The following TMEM43 variants were observed in gnomAD, a reference collection of about 807,000 sequenced individuals.
TMEM43 encodes the protein transmembrane protein 43, also known as arrhythmogenic right ventricular dysplasia 5.
In TMEM43, 45 loss-of-function variants were observed where a neutral mutation model predicts 49.6. The observed-to-expected ratio is 0.91, with a 90% CI of 0.71 to 1.16. TMEM43 has a LOEUF of 1.16. Ranked by LOEUF, TMEM43 falls within the 50% of genes most tolerant of loss-of-function variation. The pLI is 0.00. For missense variants in TMEM43, 532 were observed against 516.6 expected (o/e 1.03, Z -0.29); for synonymous variants, 199 against 207.8 (o/e 0.96, Z 0.36).
chr3:14,137,407 C>CT (rs2124993536), intron 10 of TMEM43, among the ~76,000 whole-genome samples: 1 of 152,310 alleles, frequency 6.6e-6, no homozygotes, highest in South Asian at 2.1e-4. Context: ...GGGCCCATGG[C>CT]TTAGGTAATG....
intron 2 of TMEM43, 106 bp downstream of exon 2, chr3:14,129,667 T>A: frequency 8.0e-7 from 1 of 1,254,642 alleles, no homozygotes; most frequent in Non-Finnish European, 1.1e-6. Flanking sequence ...GCCTAGATTT[T>A]AAAAAGAGAA....
chr3:14,132,743 C>T, intron 5 of TMEM43, 123 bp from the exon 6 acceptor site: 1 of 1,371,966 alleles, frequency 7.3e-7, no homozygotes. Flanking sequence ...CCTGCTTTCC[C>T]ACCCATCCAT....
At chr3:14,126,731 A>G (rs1695026287) in intron 1 of TMEM43, among the ~76,000 whole-genome samples, 1 of 152,246 alleles carries the variant, frequency 6.6e-6, no homozygotes, top group Non-Finnish European at 1.5e-5. Flanking sequence ...ACCAAGGAAT[A>G]TACATGCATT....
Position 14,125,067 on chromosome 3 carries a change from T to A in TMEM43, c.-127T>A. ...GGAGGTAACTGCAGTAAGTCCCGCTTGGCCCTGGAGTCCACGCGGATTTTC... is the reference window on the plus strand; with the variant it reads ...GGAGGTAACTGCAGTAAGTCCCGCTAGGCCCTGGAGTCCACGCGGATTTTC... On this transcript the variant is annotated 5_prime_UTR_variant, in exon 1 of 12. Coordinates refer to ENST00000306077, the MANE Select transcript of TMEM43 (RefSeq NM_024334.3). 1.6e-6 allele frequency: 2 copies of A among 1,252,078 alleles called. No individual in the cohort carries two copies. Among genetic ancestry groups the A allele is most frequent in the Non-Finnish European group, 2.3e-6 (2 of 878,330 alleles). The allele number at this position is 1,252,078 out of a possible 1,614,324, so 77.6% of individuals were successfully genotyped here.
chr3:14,141,675 G>C lies in TMEM43; in HGVS notation c.1083G>C (p.Leu361=). 1 of 1,614,204 alleles carries C rather than the reference G, an allele frequency of 6.2e-7. No homozygotes were observed. Among genetic ancestry groups the C allele is most frequent in the Non-Finnish European group, 8.5e-7 (1 of 1,180,030 alleles). Reference sequence around the variant, plus strand: ...TCTGTGTGGCCACCTCGCTGACCCTGCTGACCGTGGCGGCTGGCTGGCTCT... The same window carrying C: ...TCTGTGTGGCCACCTCGCTGACCCTCCTGACCGTGGCGGCTGGCTGGCTCT... ...FAFCVATSLT[L]LTVAAGWLFY... The change falls in exon 12 of 12, where the codon CTG becomes CTC. Residue 361 remains leucine, a synonymous_variant. Coordinates refer to ENST00000306077, the MANE Select transcript of TMEM43 (RefSeq NM_024334.3).
chr3:14,128,953 A>G (rs1178033351), intron 1 of TMEM43: 1 of 456,648 alleles, frequency 2.2e-6, no homozygotes, highest in Non-Finnish European at 4.4e-6. Flanking sequence ...ATGAAAAGGA[A>G]CAAATTCCTG....
At chr3:14,133,421 T>G (rs975258599) in intron 6 of TMEM43, among the ~76,000 whole-genome samples, 4 of 152,098 alleles carry the variant, frequency 2.6e-5, no homozygotes, top group Admixed American at 1.3e-4. Context: ...GATGGAATGC[T>G]CTGGGAGGGG....
rs1190815218 is a variant in TMEM43 at position 14,130,922 on chromosome 3, T to G, written c.263T>G (p.Leu88Arg). 6.2e-7 allele frequency: 1 copy of G among 1,613,228 alleles called. No individual in the cohort carries two copies. Among genetic ancestry groups the G allele is most frequent in the Non-Finnish European group, 8.5e-7 (1 of 1,179,504 alleles). The change falls in exon 3 of 12, where the codon CTG (leucine) becomes CGG (arginine). Residue 88 changes from leucine to arginine, a missense_variant. Transcript: ENST00000306077. ...HSVAPENEGR[L>R]VHIIGALRTS... The stretch of plus-strand genomic sequence containing the variant: ...GTGGCTCCGGAGAATGAAGGAAGGC[T>G]GGTGCACATCATTGGCGCCTTACGG...
chr3:14,139,209 C>T lies in TMEM43; in HGVS notation c.912C>T (p.Asn304=). 5 of 1,614,184 alleles carry T rather than the reference C, an allele frequency of 3.1e-6. No homozygotes were observed. The highest frequency in any genetic ancestry group is 4.2e-6 in the Non-Finnish European group (5 of 1,180,002). ...EEVFHRELRS[N]SMKTWGLRAA... is the part of the protein sequence containing the mutation. ...TGTTTCATAGAGAACTAAGGAGCAA[C>T]TCCATGAAGACCTGGGGCCTGCGGG... The change falls in exon 11 of 12, where the codon AAC becomes AAT. Residue 304 remains asparagine (N), a synonymous_variant. Transcript: ENST00000306077.
rs2124991392 is a variant in TMEM43, at chr3:14,135,221, C to G, written c.769C>G (p.Pro257Ala). Residue 257 changes from proline (P) to alanine (A), a missense_variant, in exon 9 of 12, where the codon CCA (proline) becomes GCA (alanine). Transcript: ENST00000306077. The part of the protein sequence containing the change: ...GLSGDDPDLG[P>A]AHVVTVIARQ... ...GAGCGGCGATGACCCTGACCTGGGCCCAGCTCACGTGGTAACCTGGCTTCC... is the reference window on the plus strand; with the variant it reads ...GAGCGGCGATGACCCTGACCTGGGCGCAGCTCACGTGGTAACCTGGCTTCC... 6.2e-6 allele frequency: 10 copies of G among 1,612,282 alleles called. No homozygotes were observed. Among genetic ancestry groups the G allele is most frequent in the Non-Finnish European group, 7.6e-6 (9 of 1,179,954 alleles).
At chr3:14,127,597 C>T (rs566839066) in intron 1 of TMEM43, among the ~76,000 whole-genome samples, 7 of 152,118 alleles carry the variant, frequency 4.6e-5, no homozygotes, top group Non-Finnish European at 5.9e-5. Context: ...ATTTTCTTAT[C>T]GGTGAAATGG....
At chr3:14,139,674 G>T (rs960237791) in intron 11 of TMEM43, among the ~76,000 whole-genome samples, 1 of 152,214 alleles carries the variant, frequency 6.6e-6, no homozygotes, top group Non-Finnish European at 1.5e-5. Context: ...ATGCTTGGCC[G>T]TTCCCTTCCC....
intron 10 of TMEM43, 154 bp downstream of exon 10, chr3:14,136,062 G>GT (rs1695166156): frequency 2.6e-6 from 2 of 757,252 alleles, no homozygotes; most frequent in African/African-American, 1.7e-5. Flanking sequence ...TCATCAAAGT[G>GT]TTTGACCAGG....
rs1012559900 is a variant in TMEM43 at position 14,142,275 on chromosome 3, G to C, written c.*480G>C. On this transcript the variant is annotated 3_prime_UTR_variant, in exon 12 of 12. Coordinates refer to ENST00000306077, the MANE Select transcript of TMEM43 (RefSeq NM_024334.3). ...CGTTAGTCATTACTGCTGAGTCCTG[G>C]GTCACCAGCAGACACACTGGGCATG... 2.6e-5 allele frequency: 5 copies of C among 194,810 alleles called. No homozygotes were observed. Among genetic ancestry groups the C allele is most frequent in the Admixed American group, 1.6e-4 (3 of 18,856 alleles). 12.1% of individuals were successfully genotyped at this position (194,810 alleles called of 1,614,324 possible). A position where few individuals can be genotyped will look rare whatever the true frequency, so the allele number is the denominator to read the frequency against.
chr3:14,132,769 C>T (rs1695114187), intron 5 of TMEM43, 97 bp from the exon 6 acceptor site: 2 of 1,420,102 alleles, frequency 1.4e-6, no homozygotes, highest in Non-Finnish European at 2.0e-6. Flanking sequence ...CTCCCTGACC[C>T]ACCCCTTTGG....
chr3:14,138,583 G>A (rs1695206113), intron 10 of TMEM43, among the ~76,000 whole-genome samples: 1 of 152,176 alleles, frequency 6.6e-6, no homozygotes, highest in Non-Finnish European at 1.5e-5. Flanking sequence ...GGAGGTGGTG[G>A]AGGTGGTGGG....
intron 10 of TMEM43, among the ~76,000 whole-genome samples, chr3:14,138,356 A>G (rs1380558680): frequency 6.6e-6 from 1 of 152,118 alleles, no homozygotes; most frequent in Non-Finnish European, 1.5e-5. Flanking sequence ...TGGAGAACAC[A>G]GAGTGGGTGA....
chr3:14,135,864 G>A lies in TMEM43; in HGVS notation c.838G>A (p.Gly280Arg), dbSNP rs1371201342. 1 of 1,614,194 alleles carries A rather than the reference G, an allele frequency of 6.2e-7. No homozygotes were observed. Among genetic ancestry groups the A allele is most frequent in the Non-Finnish European group, 8.5e-7 (1 of 1,180,056 alleles). ...GCTAGTCCCATTCTCCACCAAGTCT[G>A]GGGATACCTTACTGCTCCTGCACCA... ...DQLVPFSTKS[G>R]DTLLLLHHGD... Residue 280 changes from glycine (G) to arginine (R), a missense_variant, in exon 10 of 12, where the codon GGG becomes AGG. By Grantham distance (125) the Gly-to-Arg change is moderately radical. Coordinates refer to ENST00000306077, the MANE Select transcript of TMEM43 (RefSeq NM_024334.3).
In TMEM43 at chr3:14,135,793, G is replaced by A. The variant is rs778602479; in HGVS notation, c.781-14G>A. ...TGGTCACCCCTCAGCTCTAACACCAGGTCCTCTGACCAGGTCACTGTGATT... is the reference window on the plus strand; with the variant it reads ...TGGTCACCCCTCAGCTCTAACACCAAGTCCTCTGACCAGGTCACTGTGATT... On this transcript the variant is annotated splice_polypyrimidine_tract_variant and intron_variant, in intron 9 of 11. Coordinates refer to ENST00000306077, the MANE Select transcript of TMEM43 (RefSeq NM_024334.3). 1 of 1,611,314 alleles carries A rather than the reference G, an allele frequency of 6.2e-7. No individual in the cohort carries two copies. The highest frequency in any genetic ancestry group is 8.5e-7 in the Non-Finnish European group (1 of 1,179,042).
Sources: allele counts gnomAD v4.1 joint callset (sites outside exome capture counted in the v4.1 genomes callset), GRCh38; gene constraint gnomAD v4.1.1; transcripts MANE v1.5; gene names NCBI Gene and HGNC (gene_info 2026-07-23, HGNC 2026-07-21).